The following EP400 variants were observed in gnomAD, a reference collection of about 807,000 sequenced individuals.
EP400 encodes E1A-binding protein p400.
In EP400, 105 loss-of-function variants were observed where a neutral mutation model predicts 354.1. The ratio of observed to expected loss-of-function variants is 0.30; its 90% confidence interval spans 0.25 to 0.35. The LOEUF (loss-of-function observed/expected upper bound fraction) is 0.35, where lower values mean the gene tolerates loss of function less well. EP400 is among the 10% of genes least tolerant of loss of function. The pLI, the probability that EP400 is intolerant of heterozygous loss-of-function variation, is 1.00. For missense variants in EP400, 3,280 were observed against 4,121.0 expected (o/e 0.80, Z 5.59); for synonymous variants, 1,646 against 1,716.9 (o/e 0.96, Z 1.02).
intron 45 of EP400, 28 bp downstream of exon 45, chr12:132,055,236 A>G: frequency 6.7e-7 from 1 of 1,483,998 alleles, no homozygotes; most frequent in Non-Finnish European, 9.1e-7. Flanking sequence ...TGGGTTGTGC[A>G]CCTTGACTGC....
chr12:131,973,641 T>C (rs1306843741), intron 2 of EP400, among the ~76,000 whole-genome samples: 2 of 152,146 alleles, frequency 1.3e-5, no homozygotes, highest in African/African-American at 4.8e-5. Flanking sequence ...AGACTCTGTC[T>C]CAAAAAAAAT....
chr12:132,064,334 A>G (rs1895814532), intron 47 of EP400, among the ~76,000 whole-genome samples: 2 of 152,146 alleles, frequency 1.3e-5, no homozygotes, highest in South Asian at 4.1e-4. Flanking sequence ...TTCTTAAAAA[A>G]TTTTTTCTTA....
At chr12:131,951,603 T>A (rs1891496728) in intron 1 of EP400, among the ~76,000 whole-genome samples, 1 of 152,188 alleles carries the variant, frequency 6.6e-6, no homozygotes, top group South Asian at 2.1e-4. Context: ...GTAATTATTC[T>A]TTTTATTGTT....
chr12:131,963,527 C>G, intron 2 of EP400: 1 of 1,586,950 alleles, frequency 6.3e-7, no homozygotes, highest in Non-Finnish European at 8.5e-7. Flanking sequence ...AATATTTCCT[C>G]TCAGGTAAAG....
rs1280378565 is a variant in EP400, at chr12:131,979,749, A to G, written c.1391A>G (p.Asp464Gly). Residue 464 changes from aspartate to glycine, a missense_variant, in exon 3 of 53, where the codon GAC becomes GGC. Transcript: ENST00000389561. Reference protein sequence around the residue: ...VAGAGSTVETDLFKRQQAMPS... With the variant: ...VAGAGSTVETGLFKRQQAMPS... ...GGGGCCGGAAGCACAGTAGAGACGG[A>G]CCTGTTTAAGAGGCAGCAGGCGATG... is the stretch of plus-strand genomic sequence containing the variant. 1 of 1,610,298 alleles carries G rather than the reference A, an allele frequency of 6.2e-7. No homozygotes were observed. The highest frequency in any genetic ancestry group is 8.5e-7 in the Non-Finnish European group (1 of 1,178,258).
In EP400 at chr12:132,080,157, T is replaced by TC; in HGVS notation, c.*2485dup. The TC allele has an allele frequency of 6.6e-6, 1 of 152,386 alleles. No individual in the cohort carries two copies. The highest frequency in any genetic ancestry group is 2.1e-4 in the South Asian group (1 of 4,826). 9.4% of individuals were successfully genotyped at this position (152,386 alleles called of 1,614,324 possible). On this transcript the variant is annotated 3_prime_UTR_variant, in exon 53 of 53. Transcript: ENST00000389561. ...CTATTCTTTAAAGAAAGACGTTTAT[T>TC]CTGATGATAAAAACAGTTAGCCAGA...
rs1026112115 is a variant in EP400 at position 132,017,128 on chromosome 12, C to G, written c.3924-407C>G. 1.3e-5 allele frequency among the ~76,000 whole-genome samples: 2 copies of G among 152,240 alleles called. No homozygotes were observed. The highest frequency in any genetic ancestry group is 2.9e-5 in the Non-Finnish European group (2 of 68,052). ...ATGGACCTGGGTCCTCGTCTACCCC[C>G]GCTCACTGCCTGCAGGGCCAGTGTA... On this transcript the variant is annotated intron_variant, in intron 19 of 52. Coordinates refer to ENST00000389561, the MANE Select transcript of EP400 (RefSeq NM_015409.5). The surrounding 1 kb of genome is among the most constrained non-coding windows in gnomAD (Gnocchi z 5.0).
In EP400 at chr12:132,053,536, C is replaced by A; in HGVS notation, c.7667C>A (p.Pro2556His). 1 of 1,553,492 alleles carries A rather than the reference C, an allele frequency of 6.4e-7. No homozygotes were observed. ...PQPQPQTQPQ[P>H]VQAPAKAQPA... is the part of the protein sequence containing the mutation. ...CCACAGCCCCAGACCCAGCCACAGCCTGTGCAGGCCCCAGCGAAGGCGCAG... is the reference window on the plus strand; with the variant it reads ...CCACAGCCCCAGACCCAGCCACAGCATGTGCAGGCCCCAGCGAAGGCGCAG... Residue 2556 changes from proline (P) to histidine (H), a missense_variant, in exon 43 of 53, where the codon CCT (proline) becomes CAT (histidine). Physicochemically the swap from Pro to His is moderately conservative, Grantham distance 77. Coordinates refer to ENST00000389561, the MANE Select transcript of EP400 (RefSeq NM_015409.5).
intron 2 of EP400, among the ~76,000 whole-genome samples, chr12:131,971,891 T>C (rs996935939): frequency 1.3e-5 from 2 of 152,182 alleles, no homozygotes; most frequent in Admixed American, 6.5e-5. Context: ...GATATCTTAC[T>C]GTTTAAATTC....
At chr12:132,057,270 A>G (rs1411134833) in intron 45 of EP400, among the ~76,000 whole-genome samples, 1 of 152,260 alleles carries the variant, frequency 6.6e-6, no homozygotes, top group Non-Finnish European at 1.5e-5. Flanking sequence ...AATGCCCTTC[A>G]GCTGGTGAAT....
Position 131,994,325 on chromosome 12 carries a change from C to G in EP400, c.2738-542C>G, listed in dbSNP as rs981424375. On this transcript the variant is annotated intron_variant, in intron 11 of 52. Coordinates refer to ENST00000389561, the MANE Select transcript of EP400 (RefSeq NM_015409.5). This position sits in a 1 kb window ranked among gnomAD's most constrained non-coding sequence, Gnocchi z 4.6. ...CAGGCCCCCAGGTGGGGAGAGGGTC[C>G]GTGGACAGAGGGAGTTTGGCTGTGG... 6.6e-6 allele frequency among the ~76,000 whole-genome samples: 1 copy of G among 152,098 alleles called. No homozygotes were observed.
rs747384861 is a variant in EP400 at position 132,067,586 on chromosome 12, C to T, written c.8874+100C>T. 1.6e-5 allele frequency: 24 copies of T among 1,496,416 alleles called. No homozygotes were observed. Among genetic ancestry groups the T allele is most frequent in the Non-Finnish European group, 1.9e-5 (21 of 1,120,874 alleles). 92.7% of individuals were successfully genotyped at this position (1,496,416 alleles called of 1,614,324 possible). On this transcript the variant is annotated intron_variant, in intron 50 of 52. Coordinates refer to ENST00000389561, the MANE Select transcript of EP400 (RefSeq NM_015409.5). This position sits in a 1 kb window ranked among gnomAD's most constrained non-coding sequence, Gnocchi z 5.3. ...GCAGACAAATCCCCATGTGGCGGCTCACGCTTTTCAGAGGGTGGCTTCAAG... is the reference window on the plus strand; with the variant it reads ...GCAGACAAATCCCCATGTGGCGGCTTACGCTTTTCAGAGGGTGGCTTCAAG...
chr12:132,029,435 C>T lies in EP400; in HGVS notation c.5382-266C>T. On this transcript the variant is annotated intron_variant, in intron 27 of 52. Transcript: ENST00000389561. The surrounding 1 kb of genome is among the most constrained non-coding windows in gnomAD (Gnocchi z 4.7). ...TTATCTCTGACCTGGTGCCTGCGGC[C>T]TAGGGAATCCACCCCCATTGATCCA... The T allele has an allele frequency of 7.5e-6, 4 of 532,964 alleles. No homozygotes were observed. The highest frequency in any genetic ancestry group is 5.6e-5 in the South Asian group (2 of 35,696). 33.0% of individuals were successfully genotyped at this position (532,964 alleles called of 1,614,324 possible).
At position 132,048,904 on chromosome 12, in the gene EP400, A is replaced by T. The variant is rs1433967118; in HGVS notation, c.7201-1419A>T. On this transcript the variant is annotated intron_variant, in intron 39 of 52. Coordinates refer to ENST00000389561, the MANE Select transcript of EP400 (RefSeq NM_015409.5). ...CTTTGTTAAGAGCCTGTGCACAGAA[A>T]CATAGAGTAAGATTCAGTCTTAACC... Among the ~76,000 whole-genome samples the T allele has an allele frequency of 2.6e-5, 4 of 152,214 alleles. No homozygotes were observed. In the South Asian group the frequency reaches 8.3e-4, roughly 31 times the overall value.
intron 30 of EP400, among the ~76,000 whole-genome samples, chr12:132,037,362 G>T (rs975630626): frequency 3.3e-5 from 5 of 152,220 alleles, no homozygotes; most frequent in African/African-American, 1.2e-4. Flanking sequence ...GATAGATGCT[G>T]GAGGTACATC....
rs762858715 is a variant in EP400, at chr12:132,013,022, C to T, written c.3455C>T (p.Pro1152Leu). 123 of 1,611,398 alleles carry T rather than the reference C, an allele frequency of 7.6e-5. No homozygotes were observed. Among genetic ancestry groups the T allele is most frequent in the Non-Finnish European group, 1.0e-4 (121 of 1,178,794 alleles). Residue 1152 changes from proline (P) to leucine (L), a missense_variant, in exon 17 of 53, where the codon CCC becomes CTC. Physicochemically the swap from Pro to Leu is moderately conservative, Grantham distance 98. Around this residue, in one of 20 missense-constraint regions of EP400, gnomAD observed 242 missense variants for 357.9 expected, o/e 0.68. Transcript: ENST00000389561. This position sits in a 1 kb window ranked among gnomAD's most constrained non-coding sequence, Gnocchi z 4.5. ...LKAKRQEWAE[P>L]NSFHVCITSY... The stretch of plus-strand genomic sequence containing the variant: ...TCTGTGCTGCAGGAGTGGGCCGAAC[C>T]CAACAGCTTCCACGTCTGCATCACG...
At position 132,067,331 on chromosome 12, in the gene EP400, G is replaced by A. The variant is rs1423330815; in HGVS notation, c.8750-31G>A. ...GTGAGCCTCAAGCTCTTTTCCCAGT[G>A]TGCTGACTAAGGGGCTTTTGCTGCC... On this transcript the variant is annotated intron_variant, in intron 49 of 52. Transcript: ENST00000389561. This position sits in a 1 kb window ranked among gnomAD's most constrained non-coding sequence, Gnocchi z 5.3. 1.2e-6 allele frequency: 2 copies of A among 1,605,962 alleles called. No individual in the cohort carries two copies. The highest frequency in any genetic ancestry group is 1.7e-5 in the Admixed American group (1 of 59,362).
At chr12:131,969,785 C>G (rs1892228136) in intron 2 of EP400, among the ~76,000 whole-genome samples, 1 of 152,154 alleles carries the variant, frequency 6.6e-6, no homozygotes, top group Non-Finnish European at 1.5e-5. Context: ...CACGGTGGCT[C>G]ACGCCTGTAA....
intron 10 of EP400, among the ~76,000 whole-genome samples, chr12:131,991,793 C>T (rs1430172988): frequency 6.6e-6 from 1 of 151,756 alleles, no homozygotes; most frequent in Non-Finnish European, 1.5e-5. Context: ...CACCGTGTTG[C>T]CCAGGCTGGT....
Sources: allele counts gnomAD v4.1 joint callset (sites outside exome capture counted in the v4.1 genomes callset), GRCh38; gene constraint gnomAD v4.1.1; regional missense constraint gnomAD v4.1.1; non-coding constraint Gnocchi (gnomAD v3.1); transcripts MANE v1.5; gene names NCBI Gene and HGNC (gene_info 2026-07-23, HGNC 2026-07-21).